Variants in OPCML observed in about 807,000 individuals in gnomAD.
The protein encoded by OPCML is opioid binding protein/cell adhesion molecule like.
OPCML carries 13 observed loss-of-function variants against 37.8 expected under a neutral mutation model. That is an observed-to-expected ratio of 0.34 (90% CI 0.22 to 0.55). OPCML has a LOEUF of 0.55. OPCML is among the 20% of genes least tolerant of loss of function. The pLI is 0.91. For missense variants in OPCML, 341 were observed against 435.6 expected, an observed-to-expected ratio of 0.78 and a Z score of 1.93; for synonymous variants, 176 against 168.8, an observed-to-expected ratio of 1.04 and a Z score of -0.33.
rs1387414579 is a variant in OPCML, at chr11:132,436,224, G to A, written c.778C>T (p.Leu260=). 2 of 1,614,190 alleles carry A rather than the reference G, an allele frequency of 1.2e-6. No individual in the cohort carries two copies. The highest frequency in any genetic ancestry group is 1.7e-6 in the Non-Finnish European group (2 of 1,180,036). ...FKEETRLATG[L]DGMRIENKGR... ...TTGTTTTCAATCCTCATTCCATCCA[G>A]ACCAGTGGCTAACCTGCAAGAGGGA... Residue 260 remains leucine, a synonymous_variant, in exon 7 of 8, where the codon CTG becomes TTG. Transcript: ENST00000524381.
intron 1 of OPCML, chr11:133,422,628 A>T (rs1399383317): frequency 3.1e-6 from 3 of 971,098 alleles, no homozygotes; most frequent in Non-Finnish European, 3.7e-6. Context: ...AGTAGTTGAG[A>T]TTATGGGTGT....
intron 1 of OPCML, among the ~76,000 whole-genome samples, chr11:133,062,579 G>A (rs950914748): frequency 6.6e-6 from 1 of 152,094 alleles, no homozygotes; most frequent in African/African-American, 2.4e-5. Flanking sequence ...GTTGCACCCT[G>A]CTTAGGTTCC....
Position 133,413,703 on chromosome 11 carries a change from C to T in OPCML, c.61+118561G>A, listed in dbSNP as rs1451228258. Among the ~76,000 whole-genome samples the T allele has an allele frequency of 9.2e-5, 14 of 152,082 alleles. 1 individual carries two copies. Among genetic ancestry groups the T allele is most frequent in the Admixed American group, 9.2e-4 (14 of 15,256 alleles). The stretch of plus-strand genomic sequence containing the variant: ...TCCCTCTCTTTGTCCTCCTTAACTC[C>T]AAGCCTGGGGTCTTATCCAGGATGA... On this transcript the variant is annotated intron_variant, in intron 1 of 7. Coordinates refer to ENST00000524381, the MANE Select transcript of OPCML (RefSeq NM_001012393.5).
chr11:133,289,472 G>A (rs1026588046), intron 1 of OPCML, among the ~76,000 whole-genome samples: 1 of 150,588 alleles, frequency 6.6e-6, no homozygotes, highest in South Asian at 2.1e-4. Flanking sequence ...GCGGGCGCCT[G>A]TAGTCCCAGC....
chr11:133,320,878 C>A (rs1047655057), intron 1 of OPCML, among the ~76,000 whole-genome samples: 10 of 152,134 alleles, frequency 6.6e-5, no homozygotes, highest in African/African-American at 2.4e-4. Context: ...GCTCAATACG[C>A]AGAACACAAT....
intron 2 of OPCML, among the ~76,000 whole-genome samples, chr11:132,665,469 G>C (rs762547589): frequency 6.6e-6 from 1 of 152,136 alleles, no homozygotes. Context: ...ATCTGATGCC[G>C]GGAAGGAAAA....
rs1327375460 is a variant in OPCML at position 133,141,030 on chromosome 11, CGACGACGACGACGACGACGAA to C, written c.62-198041_62-198021del. 2.7e-4 allele frequency among the ~76,000 whole-genome samples: 2 copies of C among 7,326 alleles called. 1 individual carries two copies. The highest frequency in any genetic ancestry group is 4.9e-4 in the African/African-American group (2 of 4,106). The allele number at this position is 7,326 out of a possible 152,430, so 4.8% of individuals were successfully genotyped here. A position where few individuals can be genotyped will look rare whatever the true frequency, so the allele number is the denominator to read the frequency against. On this transcript the variant is annotated intron_variant, in intron 1 of 7. Coordinates refer to ENST00000524381, the MANE Select transcript of OPCML (RefSeq NM_001012393.5). ...ACGACGACGACGACGACGACGACGA[CGACGACGACGACGACGACGAA>C]GAAGAAGAAGAAGAAGAAGAAGAAG...
intron 2 of OPCML, among the ~76,000 whole-genome samples, chr11:132,715,239 C>T (rs780094258): frequency 1.3e-5 from 2 of 152,226 alleles, no homozygotes; most frequent in Admixed American, 6.5e-5. Context: ...CACTCACTTA[C>T]TCATCTGTTC....
At chr11:132,429,792 G>A (rs964806953) in intron 7 of OPCML, among the ~76,000 whole-genome samples, 1 of 152,154 alleles carries the variant, frequency 6.6e-6, no homozygotes, top group Non-Finnish European at 1.5e-5. Context: ...TCACATATCT[G>A]CATTTTTAAA....
At chr11:133,153,925 C>G (rs998182747) in intron 1 of OPCML, among the ~76,000 whole-genome samples, 1 of 152,126 alleles carries the variant, frequency 6.6e-6, no homozygotes, top group African/African-American at 2.4e-5. Context: ...GACACGTTGT[C>G]ACAGCTGACA....
At chr11:132,810,001 C>T (rs182666871) in intron 2 of OPCML, among the ~76,000 whole-genome samples, 2,439 of 152,264 alleles carry the variant, frequency 0.016, 27 homozygotes, top group Middle Eastern at 0.031. Context: ...AGGCGCCCGC[C>T]ACCACGCCCG....
intron 1 of OPCML, among the ~76,000 whole-genome samples, chr11:132,952,417 T>G (rs935699996): frequency 1.3e-5 from 2 of 152,326 alleles, no homozygotes; most frequent in Admixed American, 1.3e-4. Flanking sequence ...ATATGATAGC[T>G]GCTTGCACAA....
At chr11:132,901,092 A>G (rs748126614) in intron 2 of OPCML, among the ~76,000 whole-genome samples, 3 of 152,114 alleles carry the variant, frequency 2.0e-5, no homozygotes, top group Non-Finnish European at 4.4e-5. Flanking sequence ...AGGCAGGAGA[A>G]TCACTTGAAC....
intron 2 of OPCML, among the ~76,000 whole-genome samples, chr11:132,692,664 T>C (rs1943449238): frequency 6.6e-6 from 1 of 152,152 alleles, no homozygotes; most frequent in Admixed American, 6.5e-5. Context: ...AACTAGTAAA[T>C]CCTGTTCACA....
chr11:133,321,965 T>G (rs1416947718), intron 1 of OPCML, among the ~76,000 whole-genome samples: 1 of 152,136 alleles, frequency 6.6e-6, no homozygotes, highest in Admixed American at 6.5e-5. Context: ...ACAGCAGAAG[T>G]CTTCTGCTGA....
rs141590770 is a variant in OPCML at position 133,337,072 on chromosome 11, C to T, written c.61+195192G>A. Among the ~76,000 whole-genome samples, 135 of 152,282 alleles carry T rather than the reference C, an allele frequency of 8.9e-4. 1 individual carries two copies. Among genetic ancestry groups the T allele is most frequent in the African/African-American group, 2.8e-3 (118 of 41,552 alleles). Reference sequence around the variant, plus strand: ...TCTTATCTTAGAGGCAAAAGAGAAGCGCGCAACCCCTCATGCCCTGGAAAG... The same window carrying T: ...TCTTATCTTAGAGGCAAAAGAGAAGTGCGCAACCCCTCATGCCCTGGAAAG... On this transcript the variant is annotated intron_variant, in intron 1 of 7. Coordinates refer to ENST00000524381, the MANE Select transcript of OPCML (RefSeq NM_001012393.5).
intron 3 of OPCML, among the ~76,000 whole-genome samples, chr11:132,577,522 C>G (rs1358786537): frequency 2.0e-5 from 3 of 152,130 alleles, no homozygotes; most frequent in Non-Finnish European, 4.4e-5. Context: ...AGCAATGCTT[C>G]CACATCCCTG....
chr11:132,960,587 T>TC (rs1219535009), intron 1 of OPCML, among the ~76,000 whole-genome samples: 3 of 152,226 alleles, frequency 2.0e-5, no homozygotes, highest in African/African-American at 7.2e-5. Flanking sequence ...ACCATCTCCC[T>TC]CCCCCTCTCC....
intron 4 of OPCML, among the ~76,000 whole-genome samples, chr11:132,447,633 C>T (rs562248513): frequency 1.8e-4 from 28 of 152,250 alleles, no homozygotes; most frequent in Admixed American, 5.9e-4. Flanking sequence ...TTAACTGTCA[C>T]CTTTCATTCT....
Sources: allele counts gnomAD v4.1 joint callset (sites outside exome capture counted in the v4.1 genomes callset), GRCh38; gene constraint gnomAD v4.1.1; transcripts MANE v1.5; gene names NCBI Gene and HGNC (gene_info 2026-07-23, HGNC 2026-07-21).